The following ADGRF1 variants were observed in gnomAD, a reference collection of about 807,000 sequenced individuals.
ADGRF1 encodes the protein G protein-coupled receptor 110.
In ADGRF1, 85 loss-of-function variants were observed where a neutral mutation model predicts 87.2. That is an observed-to-expected ratio of 0.97 (90% confidence interval 0.82 to 1.17). ADGRF1 has a LOEUF of 1.17. ADGRF1 is among the 50% of genes most tolerant of loss of function. ADGRF1 has a pLI of 0.00. For synonymous variants in ADGRF1, 430 were observed against 408.8 expected (o/e 1.05, Z -0.63); for missense variants, 1,169 against 1,077.2 (o/e 1.09, Z -1.19).
chr6:47,039,923 C>T (rs1002102315), intron 1 of ADGRF1, among the ~76,000 whole-genome samples: 2 of 151,912 alleles, frequency 1.3e-5, no homozygotes, highest in Non-Finnish European at 2.9e-5. Context: ...GATTGTGCCG[C>T]TGCACTCCAG....
intron 3 of ADGRF1, 107 bp from the exon 4 acceptor site, chr6:47,026,110 A>G: frequency 3.2e-6 from 3 of 932,902 alleles, no homozygotes; most frequent in East Asian, 2.4e-5. Flanking sequence ...GGACTCTACC[A>G]TGCTGCTTGT....
chr6:47,008,476 T>A (rs1779594226), intron 11 of ADGRF1, among the ~76,000 whole-genome samples: 1 of 152,254 alleles, frequency 6.6e-6, no homozygotes, highest in South Asian at 2.1e-4. Context: ...ATAGACCATA[T>A]GTACATAAAT....
chr6:47,027,489 T>G (rs574425067), intron 3 of ADGRF1, among the ~76,000 whole-genome samples: 2 of 152,346 alleles, frequency 1.3e-5, no homozygotes, highest in African/African-American at 4.8e-5. Context: ...GAACAGCTAC[T>G]TGCCAGGTCT....
chr6:47,002,827 G>A (rs933288022), intron 13 of ADGRF1, among the ~76,000 whole-genome samples: 3 of 152,084 alleles, frequency 2.0e-5, no homozygotes, highest in African/African-American at 7.2e-5. Context: ...AAGATTTGGG[G>A]TCCATACAGT....
At position 47,027,688 on chromosome 6, in the gene ADGRF1, T is replaced by G; in HGVS notation, c.127+16A>C. On this transcript the variant is annotated intron_variant, in intron 3 of 14. Transcript: ENST00000371253. ...CACCAAAATCCACTGCACCATGCTGTCTAACAGAGCCTCACCTAGATGTTT... is the reference window on the plus strand; with the variant it reads ...CACCAAAATCCACTGCACCATGCTGGCTAACAGAGCCTCACCTAGATGTTT... 1 of 1,590,994 alleles carries G rather than the reference T, an allele frequency of 6.3e-7. No individual in the cohort carries two copies. The highest frequency in any genetic ancestry group is 8.6e-7 in the Non-Finnish European group (1 of 1,159,586).
chr6:47,010,374 C>A (rs955318540), intron 10 of ADGRF1, 56 bp from the exon 11 acceptor site: 6 of 1,388,744 alleles, frequency 4.3e-6, no homozygotes, highest in Non-Finnish European at 5.9e-6. Context: ...ATAAGAGGAC[C>A]AGCAGTGGAT....
chr6:47,016,957 T>TAC (rs1779900902), intron 7 of ADGRF1, 189 bp from the exon 8 acceptor site: 2 of 484,250 alleles, frequency 4.1e-6, no homozygotes, highest in Non-Finnish European at 5.8e-6. Context: ...ATGATATATA[T>TAC]ATATGTATAA....
chr6:47,004,613 C>T (rs1779465085), intron 13 of ADGRF1, among the ~76,000 whole-genome samples: 1 of 152,166 alleles, frequency 6.6e-6, no homozygotes, highest in Non-Finnish European at 1.5e-5. Context: ...ATTATATTCA[C>T]TAAAGGTTTT....
chr6:47,027,875 AT>A (rs1780288529), intron 2 of ADGRF1, 114 bp from the exon 3 acceptor site: 1 of 747,910 alleles, frequency 1.3e-6, no homozygotes, highest in African/African-American at 1.7e-5. Flanking sequence ...CAAGCCAGGG[AT>A]GGTGGAGAGG....
Position 47,024,076 on chromosome 6 carries a change from A to C in ADGRF1, c.419T>G (p.Leu140Arg). ...LPSCECHLNNLSQSVNFCERT... is the reference protein window; with the variant it reads ...LPSCECHLNNRSQSVNFCERT... ...CTCACAGAAATTGACACTCTGGCTG[A>C]GGTTGTTGAGATGACATTCACAGCT... Residue 140 changes from leucine (L) to arginine (R), a missense_variant, in exon 5 of 15, where the codon CTC (leucine) becomes CGC (arginine). Transcript: ENST00000371253. 6.2e-7 allele frequency: 1 copy of C among 1,614,068 alleles called. No individual in the cohort carries two copies. The highest frequency in any genetic ancestry group is 8.5e-7 in the Non-Finnish European group (1 of 1,179,986).
At position 47,009,206 on chromosome 6, in the gene ADGRF1, T is replaced by C; in HGVS notation, c.2229A>G (p.Pro743=). ...CWLNWSNGSK[P]LLAFVVPALA... ...GTGCAGGGACAACAAAAGCCAGGAG[T>C]GGTTTGCTTCCATTGGACCAGTTAA... Residue 743 remains proline, a synonymous_variant, in exon 11 of 15, where the codon CCA becomes CCG. Coordinates refer to ENST00000371253, the MANE Select transcript of ADGRF1 (RefSeq NM_153840.4). 1 of 1,613,812 alleles carries C rather than the reference T, an allele frequency of 6.2e-7. No homozygotes were observed. The highest frequency in any genetic ancestry group is 8.5e-7 in the Non-Finnish European group (1 of 1,179,960).
intron 7 of ADGRF1, chr6:47,018,486 A>G: frequency 7.8e-7 from 1 of 1,289,790 alleles, no homozygotes; most frequent in Non-Finnish European, 1.0e-6. Context: ...ATACCTTTGT[A>G]TTGATATGTC....
intron 1 of ADGRF1, among the ~76,000 whole-genome samples, chr6:47,038,222 A>G (rs1780646431): frequency 6.6e-6 from 1 of 152,212 alleles, no homozygotes; most frequent in Admixed American, 6.5e-5. Flanking sequence ...TCTAACAGTT[A>G]GTTCTTAAAA....
At chr6:47,040,807 G>A (rs1780721095) in intron 1 of ADGRF1, among the ~76,000 whole-genome samples, 1 of 152,146 alleles carries the variant, frequency 6.6e-6, no homozygotes, top group Non-Finnish European at 1.5e-5. Flanking sequence ...TTAAAGAGAT[G>A]TTTGCATTCC....
At position 47,009,079 on chromosome 6, in the gene ADGRF1, T is replaced by C. The variant is rs761309835; in HGVS notation, c.2356A>G (p.Ile786Val). ...ERLSRDDKAT[I>V]IRVGKSLLIL... ...AGGAGGCTCTTCCCCACGCGGATGA[T>C]GGTGGCCTTGTCATCCCGACTCAGT... The change falls in exon 11 of 15, where the codon ATC (isoleucine) becomes GTC (valine). Residue 786 changes from isoleucine (I) to valine (V), a missense_variant. Transcript: ENST00000371253. The C allele has an allele frequency of 1.2e-6, 2 of 1,613,970 alleles. No individual in the cohort carries two copies. Among genetic ancestry groups the C allele is most frequent in the Admixed American group, 1.7e-5 (1 of 59,984 alleles).
At chr6:47,000,683 C>T (rs1779338295) in intron 14 of ADGRF1, among the ~76,000 whole-genome samples, 1 of 152,150 alleles carries the variant, frequency 6.6e-6, no homozygotes, top group Non-Finnish European at 1.5e-5. Context: ...GTGGCAATAA[C>T]AACAGAACCC....
chr6:47,013,052 A>C (rs573739262), intron 9 of ADGRF1: 2 of 984,928 alleles, frequency 2.0e-6, no homozygotes, highest in East Asian at 2.3e-4. Flanking sequence ...GATTACAGGC[A>C]TGAGCCACTG....
At chr6:47,025,570 G>A (rs115667211) in intron 4 of ADGRF1, among the ~76,000 whole-genome samples, 2,217 of 152,268 alleles carry the variant, frequency 0.015, 47 homozygotes, top group African/African-American at 0.051. Flanking sequence ...TTCTGAGTTA[G>A]AGAATTTAAT....
intron 13 of ADGRF1, among the ~76,000 whole-genome samples, chr6:47,003,552 C>A (rs1010652945): frequency 1.3e-5 from 2 of 152,144 alleles, no homozygotes; most frequent in African/African-American, 4.8e-5. Context: ...TCTACACAAC[C>A]CCTTAGCTTA....
Sources: gnomAD v4.1 joint callset for allele counts (sites outside exome capture counted in the v4.1 genomes callset) on GRCh38, gnomAD v4.1.1 for gene constraint, MANE v1.5 for transcripts, NCBI Gene and HGNC (gene_info 2026-07-23, HGNC 2026-07-21) for gene names.